The following SASH1 variants were observed in gnomAD, a reference collection of about 807,000 sequenced individuals.
The protein encoded by SASH1 is SAM and SH3 domain-containing protein 1.
In SASH1, 44 loss-of-function variants were observed where a neutral mutation model predicts 125.2. The observed-to-expected ratio is 0.35, with a 90% CI of 0.28 to 0.45. The LOEUF is 0.45. Among genes scored for constraint, SASH1 ranks in the 20% least tolerant of loss-of-function variants. The probability of loss-of-function intolerance (pLI) is 1.00; values close to 1 mark genes in which losing one functional copy is unlikely to be tolerated. For synonymous variants in SASH1, 639 were observed against 649.1 expected, an observed-to-expected ratio of 0.98 and a Z score of 0.24; for missense variants, 1,426 against 1,614.5, an observed-to-expected ratio of 0.88 and a Z score of 2.00.
At chr6:148,254,385 C>T in the SASH1 span, among the ~76,000 whole-genome samples, 2 of 152,148 alleles carry the variant, frequency 1.3e-5, no homozygotes, top group Non-Finnish European at 2.9e-5. Context: ...CCTGTAGTCC[C>T]AGCTGCTTGG....
In SASH1 at chr6:148,544,213, A is replaced by G. The variant is rs745706751; in HGVS notation, c.2743A>G (p.Ile915Val). Residue 915 changes from isoleucine to valine, a missense_variant, in exon 18 of 20, where the codon ATC (isoleucine) becomes GTC (valine). Physicochemically the swap from Ile to Val is conservative, Grantham distance 29. Around this residue, in one of 3 missense-constraint regions of SASH1, gnomAD observed 634 missense variants for 694.4 expected, o/e 0.91. Coordinates refer to ENST00000367467, the MANE Select transcript of SASH1 (RefSeq NM_015278.5). This position sits in a 1 kb window ranked among gnomAD's most constrained non-coding sequence, Gnocchi z 6.4. ...GACAACTAAGAAACTGGAGGGCTCA[A>G]TCGCAGCCTCTGGTCGCGGCCTGTC... ...KLTTKKLEGSIAASGRGLSPP... is the reference protein window; with the variant it reads ...KLTTKKLEGSVAASGRGLSPP... The G allele has an allele frequency of 9.3e-6, 15 of 1,614,038 alleles. No individual in the cohort carries two copies. Among genetic ancestry groups the G allele is most frequent in the South Asian group, 4.4e-5 (4 of 91,092 alleles).
intron 12 of SASH1, among the ~76,000 whole-genome samples, chr6:148,528,750 A>C (rs182404197): frequency 1.3e-5 from 2 of 152,096 alleles, no homozygotes; most frequent in Non-Finnish European, 2.9e-5. Context: ...GTGGAAGGCA[A>C]TTTTTCCACG....
At chr6:148,194,869 G>C in the SASH1 span, among the ~76,000 whole-genome samples, 1 of 152,224 alleles carries the variant, frequency 6.6e-6, no homozygotes, top group African/African-American at 2.4e-5. Flanking sequence ...TCGCGCCACT[G>C]CACTCCAGCC....
chr6:148,537,834 T>TGTGTGTGTGTG (rs1432891405), intron 16 of SASH1, among the ~76,000 whole-genome samples: 1 of 100,310 alleles, frequency 1.0e-5, no homozygotes, highest in East Asian at 3.2e-4. Flanking sequence ...GTGTGTGTGG[T>TGTGTGTGTGTG]TGGTGAGGCT....
At chr6:148,392,064 C>T (rs1783747814) in intron 2 of SASH1, among the ~76,000 whole-genome samples, 1 of 152,180 alleles carries the variant, frequency 6.6e-6, no homozygotes, top group Admixed American at 6.5e-5. Context: ...GCTGGCAGAT[C>T]ACTTGAGGTC....
At chr6:148,344,818 C>G (rs1234208070) in intron 1 of SASH1, among the ~76,000 whole-genome samples, 3 of 150,980 alleles carry the variant, frequency 2.0e-5, no homozygotes, top group Non-Finnish European at 4.4e-5. Context: ...TGCAGTGGCA[C>G]GAGCTCAGCT....
chr6:148,400,341 A>G (rs1784123002), intron 2 of SASH1, among the ~76,000 whole-genome samples: 1 of 152,230 alleles, frequency 6.6e-6, no homozygotes, highest in African/African-American at 2.4e-5. Flanking sequence ...CCCTGAGCCT[A>G]TGCTGGTGTT....
At chr6:148,231,290 A>G in the SASH1 span, among the ~76,000 whole-genome samples, 1 of 152,202 alleles carries the variant, frequency 6.6e-6, no homozygotes, top group Non-Finnish European at 1.5e-5. Flanking sequence ...TTGACCATAC[A>G]TGTTAAGGTT....
At chr6:148,212,556 G>A in the SASH1 span, among the ~76,000 whole-genome samples, 1 of 152,160 alleles carries the variant, frequency 6.6e-6, no homozygotes, top group African/African-American at 2.4e-5. Flanking sequence ...CTCTCTTAAT[G>A]TGACTATTCT....
chr6:148,475,603 G>A (rs538169588), intron 7 of SASH1, among the ~76,000 whole-genome samples: 24 of 152,102 alleles, frequency 1.6e-4, no homozygotes, highest in Non-Finnish European at 2.8e-4. Flanking sequence ...CCATGACCTT[G>A]GGGAGAAACA....
At chr6:148,489,526 G>A (rs12660583) in intron 8 of SASH1, among the ~76,000 whole-genome samples, 10,305 of 152,118 alleles carry the variant, frequency 0.068, 883 homozygotes, top group East Asian at 0.45. Context: ...GATATTGATA[G>A]GGATTGCATT....
At chr6:148,307,196 G>A (rs1413612688) in intron 1 of SASH1, among the ~76,000 whole-genome samples, 1 of 151,704 alleles carries the variant, frequency 6.6e-6, no homozygotes, top group Non-Finnish European at 1.5e-5. Flanking sequence ...TTGGCTCACT[G>A]CAACCTCCGC....
intron 11 of SASH1, 117 bp from the exon 12 acceptor site, chr6:148,527,336 G>T: frequency 2.2e-6 from 2 of 892,560 alleles, no homozygotes; most frequent in South Asian, 2.1e-5. Flanking sequence ...CAAGAAAAAC[G>T]TCAAGATCCA....
At chr6:148,478,841 C>A in intron 7 of SASH1, 1 of 158,924 alleles carries the variant, frequency 6.3e-6, no homozygotes, top group Non-Finnish European at 1.4e-5. Flanking sequence ...ACCACCTGGC[C>A]TAGCTGCCAG....
chr6:148,516,328 C>G (rs1780434945), intron 9 of SASH1, among the ~76,000 whole-genome samples: 1 of 152,060 alleles, frequency 6.6e-6, no homozygotes. Context: ...CTCAAGGCGC[C>G]TGCTTTGGGC....
Position 148,449,078 on chromosome 6 carries a change from CTTTTT to C in SASH1, c.386+8682_386+8686del. Among the ~76,000 whole-genome samples, 4 of 88,736 alleles carry C rather than the reference CTTTTT, an allele frequency of 4.5e-5. 1 individual carries two copies. Among genetic ancestry groups the C allele is most frequent in the Admixed American group, 2.4e-4 (2 of 8,278 alleles). 58.2% of individuals were successfully genotyped at this position (88,736 alleles called of 152,430 possible). A position where few individuals can be genotyped will look rare whatever the true frequency, so the allele number is the denominator to read the frequency against. On this transcript the variant is annotated intron_variant, in intron 4 of 19. Transcript: ENST00000367467. ...GAGACTGGCTAATTTCATTTCATTT[CTTTTT>C]TTTTTTTTTTGGAGACAGAGTCTCA...
At chr6:148,359,377 C>G (rs1395559920) in intron 1 of SASH1, among the ~76,000 whole-genome samples, 1 of 147,480 alleles carries the variant, frequency 6.8e-6, no homozygotes, top group Non-Finnish European at 1.5e-5. Context: ...CTGTGTTGAG[C>G]AAGATTTTTG....
the SASH1 span, among the ~76,000 whole-genome samples, chr6:148,254,214 A>AAAAG: frequency 6.6e-6 from 1 of 152,342 alleles, no homozygotes; most frequent in African/African-American, 2.4e-5. Context: ...TCTCAAAAAA[A>AAAAG]AAAGAAAGAA....
At chr6:148,388,729 T>C (rs974807141) in intron 1 of SASH1, among the ~76,000 whole-genome samples, 2 of 152,220 alleles carry the variant, frequency 1.3e-5, no homozygotes, top group Non-Finnish European at 2.9e-5. Context: ...CAGAAAGGCT[T>C]TGGGAGAAAT....
Sources: allele counts gnomAD v4.1 joint callset (sites outside exome capture counted in the v4.1 genomes callset), GRCh38; gene constraint gnomAD v4.1.1; regional missense constraint gnomAD v4.1.1; non-coding constraint Gnocchi (gnomAD v3.1); transcripts MANE v1.5; gene names NCBI Gene and HGNC (gene_info 2026-07-23, HGNC 2026-07-21).